Variants in INSL6 observed in about 807,000 individuals in gnomAD.
INSL6 encodes the protein insulin-like peptide INSL6.
Under a neutral mutation model 9.4 loss-of-function variants are expected in INSL6, and 16 were observed. The ratio of observed to expected loss-of-function variants is 1.70; its 90% CI spans 1.15 to 2.59. The LOEUF is 2.59. Ranked by LOEUF, INSL6 falls within the 30% of genes most tolerant of loss-of-function variation. INSL6 has a pLI of 0.00. For synonymous variants in INSL6, 154 were observed against 96.9 expected (o/e 1.59, Z -3.46); for missense variants, 391 against 257.3 (o/e 1.52, Z -3.56).
At chr9:5,034,912 G>A in the INSL6 span, among the ~76,000 whole-genome samples, 3 of 151,934 alleles carry the variant, frequency 2.0e-5, no homozygotes, top group African/African-American at 7.3e-5. Flanking sequence ...GACATAGAGA[G>A]ACAAAAAACC....
the INSL6 span, among the ~76,000 whole-genome samples, chr9:5,076,527 T>C: frequency 6.6e-6 from 1 of 152,178 alleles, no homozygotes; most frequent in Non-Finnish European, 1.5e-5. Context: ...ATATATTCTT[T>C]GTTTTTTTTA....
the INSL6 span, chr9:5,068,909 A>G: frequency 2.4e-5 from 15 of 622,308 alleles, no homozygotes; most frequent in East Asian, 3.7e-4. Flanking sequence ...CATCGGATTC[A>G]TGGTTCAAAT....
intron 1 of INSL6, among the ~76,000 whole-genome samples, chr9:5,166,804 T>A (rs193089537): frequency 2.0e-5 from 3 of 152,336 alleles, no homozygotes; most frequent in Admixed American, 2.0e-4. Context: ...GAAGCTGGCA[T>A]AATCTTTATT....
the INSL6 span, chr9:5,112,564 G>T: frequency 1.6e-6 from 1 of 641,538 alleles, no homozygotes; most frequent in Non-Finnish European, 2.7e-6. Flanking sequence ...TAACGCCAGG[G>T]AGCGGCTGCG....
the INSL6 span, chr9:5,073,681 C>CTT: frequency 1.1e-5 from 16 of 1,424,912 alleles, no homozygotes; most frequent in Non-Finnish European, 1.3e-5. Context: ...ATTCTTTGTA[C>CTT]TTTTTTTTTT....
the INSL6 span, chr9:5,109,761 ATT>A: frequency 1.3e-5 from 2 of 152,210 alleles, no homozygotes; most frequent in Admixed American, 6.5e-5. Context: ...TAGTAGCACT[ATT>A]TGTTACCTGT....
At chr9:5,090,855 G>A in the INSL6 span, 5 of 1,613,088 alleles carry the variant, frequency 3.1e-6, no homozygotes, top group South Asian at 5.5e-5. Context: ...CCAAAGTCTT[G>A]CCACAAGACA....
chr9:5,133,178 G>T (rs1824324209), intron 3 of INSL6, among the ~76,000 whole-genome samples: 1 of 152,102 alleles, frequency 6.6e-6, no homozygotes, highest in African/African-American at 2.4e-5. Context: ...CATGGTAGAG[G>T]AAATTAGGGA....
chr9:5,139,488 T>C (rs1484357159), intron 2 of INSL6, among the ~76,000 whole-genome samples: 5 of 152,098 alleles, frequency 3.3e-5, no homozygotes, highest in Non-Finnish European at 7.4e-5. Flanking sequence ...CTCAGAGTAT[T>C]GGGTGAAAAT....
chr9:5,010,856 C>G, the INSL6 span, among the ~76,000 whole-genome samples: 1 of 152,022 alleles, frequency 6.6e-6, no homozygotes, highest in African/African-American at 2.4e-5. Flanking sequence ...TTTGAAAATT[C>G]TTATTTTTTA....
the INSL6 span, among the ~76,000 whole-genome samples, chr9:5,028,460 C>A: frequency 1.3e-5 from 2 of 152,156 alleles, no homozygotes; most frequent in African/African-American, 4.8e-5. Context: ...TCAGAATGGT[C>A]AATAAGCATT....
the INSL6 span, among the ~76,000 whole-genome samples, chr9:5,071,806 A>T: frequency 1.3e-5 from 2 of 152,214 alleles, no homozygotes; most frequent in African/African-American, 4.8e-5. Flanking sequence ...TAACATTACA[A>T]ATCTAATAAA....
chr9:5,058,640 A>ATTTTACATTCC, the INSL6 span, among the ~76,000 whole-genome samples: 1 of 152,236 alleles, frequency 6.6e-6, no homozygotes, highest in South Asian at 2.1e-4. Context: ...GCTGTTTTCC[A>ATTTTACATTCC]TAGCAGCGGC....
the INSL6 span, chr9:5,054,953 T>C: frequency 8.3e-7 from 1 of 1,210,702 alleles, no homozygotes; most frequent in South Asian, 1.6e-5. The surrounding 1 kb of genome is among the most constrained non-coding windows in gnomAD (Gnocchi z 4.9). Context: ...CAAAGTAATT[T>C]TAATCATTTG....
chr9:5,026,042 A>G, the INSL6 span, among the ~76,000 whole-genome samples: 17 of 152,044 alleles, frequency 1.1e-4, no homozygotes, highest in African/African-American at 4.1e-4. Flanking sequence ...ACAAAGATCT[A>G]TTTTGCAAAG....
chr9:5,055,735 G>A, the INSL6 span: 1 of 1,609,470 alleles, frequency 6.2e-7, no homozygotes, highest in Non-Finnish European at 8.5e-7. Flanking sequence ...AAACCAAGAG[G>A]GTTCAAATGA....
rs147291513 is a variant in INSL6 at position 5,152,784 on chromosome 9, G to C, written c.376+11395C>G. On this transcript the variant is annotated intron_variant, in intron 2 of 3. Coordinates refer to the INSL6 transcript ENST00000649639. Reference sequence around the variant, plus strand: ...AGATGGCCAAACAGGAACAGCTCCAGTCGGCAGCTACCAGCAAGATCGACG... The same window carrying C: ...AGATGGCCAAACAGGAACAGCTCCACTCGGCAGCTACCAGCAAGATCGACG... Among the ~76,000 whole-genome samples the C allele has an allele frequency of 6.6e-4, 100 of 152,356 alleles. 1 individual carries two copies. In the East Asian group the frequency reaches 0.012, roughly 19 times the overall value.
chr9:5,110,682 A>G, the INSL6 span: 20 of 322,264 alleles, frequency 6.2e-5, no homozygotes, highest in Admixed American at 6.3e-4. Context: ...CCAACGCCTG[A>G]GCCCTTTCTA....
the INSL6 span, among the ~76,000 whole-genome samples, chr9:4,998,579 A>G: frequency 6.6e-5 from 10 of 151,810 alleles, no homozygotes; most frequent in Non-Finnish European, 1.3e-4. Context: ...TTAGAGGCCT[A>G]TTTACAGCAC....
Sources: gnomAD v4.1 joint callset for allele counts (sites outside exome capture counted in the v4.1 genomes callset) on GRCh38, gnomAD v4.1.1 for gene constraint, Gnocchi (gnomAD v3.1) non-coding constraint, MANE v1.5 for transcripts, NCBI Gene and HGNC (gene_info 2026-07-23, HGNC 2026-07-21) for gene names.